LIN9: variants seen among roughly 807,000 people sequenced by gnomAD.
LIN9 encodes the protein protein lin-9 homolog.
LIN9 carries 18 observed loss-of-function variants against 78.0 expected under a neutral mutation model. The ratio of observed to expected loss-of-function variants is 0.23; its 90% CI spans 0.16 to 0.34. The LOEUF is 0.34. Ranked by LOEUF, LIN9 falls within the 10% of genes least tolerant of loss-of-function variation. The probability of loss-of-function intolerance (pLI) is 1.00; values close to 1 mark genes in which losing one functional copy is unlikely to be tolerated. For missense variants in LIN9, 451 were observed against 644.1 expected (o/e 0.70, Z 3.25); for synonymous variants, 192 against 215.2 (o/e 0.89, Z 0.94).
chr1:226,266,499 C>A (rs1659915274), intron 8 of LIN9, among the ~76,000 whole-genome samples, 167 bp from the exon 9 acceptor site: 1 of 149,902 alleles, frequency 6.7e-6, no homozygotes, highest in Non-Finnish European at 1.5e-5. Context: ...TTAGTCTATA[C>A]AGATCAAAGG....
chr1:226,297,070 C>T (rs973457795), intron 3 of LIN9, among the ~76,000 whole-genome samples: 6 of 152,126 alleles, frequency 3.9e-5, no homozygotes, highest in African/African-American at 1.4e-4. Flanking sequence ...TTCCATTCTA[C>T]ACTGCCCCCC....
chr1:226,299,311 C>T (rs529439370), intron 2 of LIN9, among the ~76,000 whole-genome samples: 1 of 152,066 alleles, frequency 6.6e-6, no homozygotes, highest in East Asian at 1.9e-4. Context: ...CAAGACCAGC[C>T]TGGCCAACAT....
At chr1:226,237,889 G>A (rs1657826941) in intron 12 of LIN9, among the ~76,000 whole-genome samples, 2 of 151,074 alleles carry the variant, frequency 1.3e-5, no homozygotes, top group South Asian at 4.2e-4. Flanking sequence ...GGAGGCAGAG[G>A]TTCCAGTGAG....
At chr1:226,308,562 A>C (rs750553937) in intron 1 of LIN9, among the ~76,000 whole-genome samples, 50 of 152,104 alleles carry the variant, frequency 3.3e-4, no homozygotes, top group Non-Finnish European at 4.1e-4. Context: ...GGGTGGACAC[A>C]CCGGTGGGGG....
chr1:226,270,138 C>T (rs1660173354), intron 7 of LIN9, among the ~76,000 whole-genome samples: 1 of 152,018 alleles, frequency 6.6e-6, no homozygotes, highest in Admixed American at 6.6e-5. Flanking sequence ...GCTGGCCAGG[C>T]TGGTCACAAA....
chr1:226,282,297 C>A (rs1046255371), intron 6 of LIN9, among the ~76,000 whole-genome samples: 1 of 152,088 alleles, frequency 6.6e-6, no homozygotes, highest in Admixed American at 6.5e-5. Context: ...GCAATAAATA[C>A]CTTTGTACAT....
intron 7 of LIN9, among the ~76,000 whole-genome samples, chr1:226,268,577 T>C (rs1194466724): frequency 6.6e-6 from 1 of 152,218 alleles, no homozygotes; most frequent in African/African-American, 2.4e-5. Context: ...CACTGTTCCC[T>C]AATTAATAAT....
chr1:226,268,320 C>T (rs1660057867), intron 7 of LIN9, among the ~76,000 whole-genome samples: 1 of 151,824 alleles, frequency 6.6e-6, no homozygotes, highest in African/African-American at 2.4e-5. Flanking sequence ...AATTATATTA[C>T]TCCCAAATTA....
At chr1:226,296,874 A>T (rs1008570428) in intron 3 of LIN9, among the ~76,000 whole-genome samples, 2 of 152,104 alleles carry the variant, frequency 1.3e-5, no homozygotes, top group African/African-American at 4.8e-5. Context: ...AAAATTTTTT[A>T]TTAGCTGGGC....
In LIN9 at chr1:226,280,944, A is replaced by G. The variant is rs140135279; in HGVS notation, c.525-3012T>C. On this transcript the variant is annotated intron_variant, in intron 6 of 14. Coordinates refer to ENST00000681046, the MANE Select transcript of LIN9 (RefSeq NM_001366245.2). ...GTATATTCAAAAAAAGGAAATCAGTATATCAAAGAGATATCTGTACTCCCA... is the reference window on the plus strand; with the variant it reads ...GTATATTCAAAAAAAGGAAATCAGTGTATCAAAGAGATATCTGTACTCCCA... Among the ~76,000 whole-genome samples, 65 of 152,350 alleles carry G rather than the reference A, an allele frequency of 4.3e-4. No individual in the cohort carries two copies. In the East Asian group the frequency reaches 9.2e-3, roughly 22 times the overall value.
Position 226,260,216 on chromosome 1 carries a change from C to G in LIN9, c.1038+5317G>C, listed in dbSNP as rs1400193395. 3.3e-5 allele frequency among the ~76,000 whole-genome samples: 5 copies of G among 152,130 alleles called. No homozygotes were observed. The South Asian group carries it at 8.3e-4, about 25-fold the overall frequency. On this transcript the variant is annotated intron_variant, in intron 10 of 14. Coordinates refer to ENST00000681046, the MANE Select transcript of LIN9 (RefSeq NM_001366245.2). Reference sequence around the variant, plus strand: ...AATTAACCTTCCAAAACAGATAGCACCAGGCCCAGATGGGTTCACTAAGGA... The same window carrying G: ...AATTAACCTTCCAAAACAGATAGCAGCAGGCCCAGATGGGTTCACTAAGGA...
chr1:226,241,865 A>AG (rs1466468545), intron 11 of LIN9, among the ~76,000 whole-genome samples: 1 of 152,140 alleles, frequency 6.6e-6, no homozygotes, highest in Non-Finnish European at 1.5e-5. Flanking sequence ...TTCAAAAAAA[A>AG]AAAAGAAAAG....
chr1:226,232,826 A>G (rs747209878), intron 14 of LIN9: 3 of 500,444 alleles, frequency 6.0e-6, no homozygotes, highest in Non-Finnish European at 1.0e-5. Context: ...GGAGAAGATG[A>G]GTCTCTCACT....
intron 7 of LIN9, among the ~76,000 whole-genome samples, chr1:226,275,549 C>T (rs1423685493): frequency 2.0e-5 from 3 of 151,528 alleles, no homozygotes; most frequent in African/African-American, 7.3e-5. Context: ...CAAAATATGT[C>T]GGGTGTGGTG....
At chr1:226,273,224 C>G (rs1487151976) in intron 7 of LIN9, among the ~76,000 whole-genome samples, 1 of 123,616 alleles carries the variant, frequency 8.1e-6, no homozygotes, top group Non-Finnish European at 1.8e-5. Context: ...CCTGTCCCTT[C>G]TTTCCTGCCA....
At chr1:226,309,359 G>T, upstream of LIN9, 1 of 989,476 alleles carries the variant, frequency 1.0e-6, no homozygotes, top group Non-Finnish European at 1.2e-6. Flanking sequence ...CTCCGCCGCC[G>T]CCTCCGGCCG....
intron 12 of LIN9, among the ~76,000 whole-genome samples, chr1:226,237,952 CAAA>C (rs33927134): frequency 2.7e-4 from 36 of 133,546 alleles, no homozygotes; most frequent in Admixed American, 5.3e-4. Flanking sequence ...GACTCTGTCT[CAAA>C]AAAAAAAAAA....
chr1:226,261,422 A>G (rs1659584295), intron 10 of LIN9, among the ~76,000 whole-genome samples: 1 of 152,222 alleles, frequency 6.6e-6, no homozygotes, highest in South Asian at 2.1e-4. Context: ...CCTGGAACTA[A>G]TAAGTGACTA....
At position 226,272,539 on chromosome 1, in the gene LIN9, CT is replaced by C. The variant is rs555346267; in HGVS notation, c.683-4450del. On this transcript the variant is annotated intron_variant, in intron 7 of 14. Coordinates refer to ENST00000681046, the MANE Select transcript of LIN9 (RefSeq NM_001366245.2). Reference sequence around the variant, plus strand: ...ACAGGTGCCCACTACCATGCTTGACCTTTTTTTTTTTTTTTTTTTTAATGTT... The same window carrying C: ...ACAGGTGCCCACTACCATGCTTGACCTTTTTTTTTTTTTTTTTTTAATGTT... Among the ~76,000 whole-genome samples the C allele has an allele frequency of 9.4e-3, 1,219 of 129,804 alleles. 18 individuals carry two copies. The highest frequency in any genetic ancestry group is 0.058 in the South Asian group (227 of 3,938). 85.2% of individuals were successfully genotyped at this position (129,804 alleles called of 152,430 possible).
Sources: allele counts gnomAD v4.1 joint callset (sites outside exome capture counted in the v4.1 genomes callset), GRCh38; gene constraint gnomAD v4.1.1; transcripts MANE v1.5; gene names NCBI Gene and HGNC (gene_info 2026-07-23, HGNC 2026-07-21).